The following ARHGAP26 variants were observed in gnomAD, a reference collection of about 807,000 sequenced individuals.
ARHGAP26 encodes Rho GTPase activating protein 26.
ARHGAP26 carries 38 observed loss-of-function variants against 104.8 expected under a neutral mutation model. The ratio of observed to expected loss-of-function variants is 0.36; its 90% CI spans 0.28 to 0.48. ARHGAP26 has a LOEUF of 0.48. Ranked by LOEUF, ARHGAP26 falls within the 20% of genes least tolerant of loss-of-function variation. ARHGAP26 has a pLI of 0.99. For missense variants in ARHGAP26, 704 were observed against 947.9 expected (o/e 0.74, Z 3.38); for synonymous variants, 341 against 340.0 (o/e 1.00, Z -0.03).
intron 20 of ARHGAP26, among the ~76,000 whole-genome samples, chr5:143,197,771 T>G (rs1807089215): frequency 6.6e-6 from 1 of 152,252 alleles, no homozygotes; most frequent in Admixed American, 6.5e-5. Context: ...CTTTGGCATT[T>G]AGGTCTATAA....
chr5:142,967,043 C>T lies in ARHGAP26; in HGVS notation c.1107+34918C>T, dbSNP rs889827206. Among the ~76,000 whole-genome samples the T allele has an allele frequency of 1.1e-4, 16 of 152,216 alleles. No homozygotes were observed. In the East Asian group the frequency reaches 1.2e-3, roughly 11 times the overall value. ...ATATGATACCACACATAGACACACA[C>T]GCACACTCACACATACGTACAAAAA... On this transcript the variant is annotated intron_variant, in intron 11 of 22. Transcript: ENST00000645722.
At chr5:143,004,949 C>G (rs1777726196) in intron 11 of ARHGAP26, among the ~76,000 whole-genome samples, 1 of 152,138 alleles carries the variant, frequency 6.6e-6, no homozygotes, top group South Asian at 2.1e-4. Flanking sequence ...CAACTAGGAA[C>G]TGATTGGATA....
At chr5:143,179,133 T>C (rs1457287617) in intron 20 of ARHGAP26, among the ~76,000 whole-genome samples, 2 of 152,078 alleles carry the variant, frequency 1.3e-5, no homozygotes, top group African/African-American at 2.4e-5. Flanking sequence ...CCTCCCAAAG[T>C]GTTGGGATTA....
At chr5:143,032,761 G>A (rs1782064277) in intron 12 of ARHGAP26, among the ~76,000 whole-genome samples, 1 of 152,118 alleles carries the variant, frequency 6.6e-6, no homozygotes, top group African/African-American at 2.4e-5. Flanking sequence ...TAAAACCGTT[G>A]TTAATTATTA....
chr5:143,207,030 TGGA>T (rs369649152), intron 20 of ARHGAP26, among the ~76,000 whole-genome samples, 165 bp from the exon 21 acceptor site: 1 of 152,328 alleles, frequency 6.6e-6, no homozygotes, highest in African/African-American at 2.4e-5. Flanking sequence ...TACTTGGACG[TGGA>T]GATTTGGTCT....
chr5:143,116,672 T>C (rs1795490947), intron 17 of ARHGAP26, among the ~76,000 whole-genome samples: 1 of 152,210 alleles, frequency 6.6e-6, no homozygotes, highest in African/African-American at 2.4e-5. Context: ...CACCACCATC[T>C]TTATCTGGAA....
chr5:142,850,347 C>G (rs988028540), intron 1 of ARHGAP26, among the ~76,000 whole-genome samples: 2 of 152,148 alleles, frequency 1.3e-5, no homozygotes, highest in Non-Finnish European at 2.9e-5. Flanking sequence ...GCAGTTTCTC[C>G]TCTGACTGAA....
At chr5:143,048,484 C>T (rs1411232055) in intron 14 of ARHGAP26, among the ~76,000 whole-genome samples, 1 of 151,550 alleles carries the variant, frequency 6.6e-6, no homozygotes, top group African/African-American at 2.4e-5. Context: ...TGGTCTCAAA[C>T]TCTTAAGCTC....
At chr5:142,804,774 G>A (rs1178833117) in intron 1 of ARHGAP26, among the ~76,000 whole-genome samples, 1 of 152,112 alleles carries the variant, frequency 6.6e-6, no homozygotes, top group Non-Finnish European at 1.5e-5. Flanking sequence ...TTACAGGCAT[G>A]AGCCACCATG....
rs1248585232 is a variant in ARHGAP26, at chr5:143,225,819, C to G, written c.*3373C>G. On this transcript the variant is annotated 3_prime_UTR_variant, in exon 23 of 23. Transcript: ENST00000645722. The stretch of plus-strand genomic sequence containing the variant: ...CCCTGTGGCTGTGCGGTGCCCTTGA[C>G]AGATGGCTTCTCTGTTTCCCTTTGC... The G allele has an allele frequency of 4.4e-6, 1 of 229,184 alleles. No homozygotes were observed. The highest frequency in any genetic ancestry group is 8.7e-6 in the Non-Finnish European group (1 of 115,208). 14.2% of individuals were successfully genotyped at this position (229,184 alleles called of 1,614,324 possible).
intron 5 of ARHGAP26, among the ~76,000 whole-genome samples, chr5:142,889,095 T>G (rs1288689681): frequency 1.3e-5 from 2 of 152,236 alleles, no homozygotes; most frequent in African/African-American, 4.8e-5. Flanking sequence ...TAGGATTTCT[T>G]CTTCCTTTTC....
At chr5:142,993,832 C>A (rs1236928749) in intron 11 of ARHGAP26, among the ~76,000 whole-genome samples, 1 of 151,808 alleles carries the variant, frequency 6.6e-6, no homozygotes, top group African/African-American at 2.4e-5. Context: ...CTTTTCTTTT[C>A]TTTTCTTTTC....
chr5:143,179,416 A>G lies in ARHGAP26; in HGVS notation c.1989-27782A>G, dbSNP rs186704699. Among the ~76,000 whole-genome samples, 5 of 152,280 alleles carry G rather than the reference A, an allele frequency of 3.3e-5. No homozygotes were observed. In the East Asian group the frequency reaches 7.7e-4, roughly 24 times the overall value. On this transcript the variant is annotated intron_variant, in intron 20 of 22. Coordinates refer to ENST00000645722, the MANE Select transcript of ARHGAP26 (RefSeq NM_001135608.3). Reference sequence around the variant, plus strand: ...CATCAACTTCTTGGACCAGCCTGGGATCTCCTGGGTTGCGTTGCTTTTTGT... The same window carrying G: ...CATCAACTTCTTGGACCAGCCTGGGGTCTCCTGGGTTGCGTTGCTTTTTGT...
chr5:142,963,225 T>TGTGTGTGTGTGTGC (rs1770718040), intron 11 of ARHGAP26, among the ~76,000 whole-genome samples: 1 of 144,154 alleles, frequency 6.9e-6, no homozygotes, highest in African/African-American at 2.7e-5. Flanking sequence ...TGTGTGCGCG[T>TGTGTGTGTGTGTGC]GTGTGTGTGT....
intron 17 of ARHGAP26, among the ~76,000 whole-genome samples, chr5:143,067,432 C>G (rs945030998): frequency 2.0e-5 from 3 of 152,130 alleles, no homozygotes; most frequent in African/African-American, 7.2e-5. Flanking sequence ...AAGGTCATGC[C>G]TATATTCAGC....
chr5:143,067,031 C>T (rs71614924), intron 17 of ARHGAP26, among the ~76,000 whole-genome samples: 1 of 151,610 alleles, frequency 6.6e-6, no homozygotes, highest in Non-Finnish European at 1.5e-5. Context: ...TCCCCCTCCT[C>T]TGCCCCTCCC....
rs563042221 is a variant in ARHGAP26, at chr5:142,784,988, G to A, written c.154+14073G>A. On this transcript the variant is annotated intron_variant, in intron 1 of 22. Transcript: ENST00000645722. ...GTTGTCCAGGCTGGAGTGCAGTGGCGCGATCTCGGCTCACTGCAAGCTCCG... is the reference window on the plus strand; with the variant it reads ...GTTGTCCAGGCTGGAGTGCAGTGGCACGATCTCGGCTCACTGCAAGCTCCG... 1.4e-4 allele frequency among the ~76,000 whole-genome samples: 20 copies of A among 146,680 alleles called. No homozygotes were observed. In the South Asian group the frequency reaches 2.2e-3, roughly 16 times the overall value.
At chr5:143,073,597 T>C (rs1788570289) in intron 17 of ARHGAP26, among the ~76,000 whole-genome samples, 1 of 152,242 alleles carries the variant, frequency 6.6e-6, no homozygotes, top group African/African-American at 2.4e-5. Context: ...TGGTTTTTAC[T>C]AACTCTTTTT....
rs529957675 is a variant in ARHGAP26 at position 143,219,046 on chromosome 5, A to G, written c.2192-3312A>G. ...CTCAGGTGTGAAGTGCGTATTCGCA[A>G]AGGGTCTGCCACCTGGCATGTGCTC... On this transcript the variant is annotated intron_variant, in intron 22 of 22. Coordinates refer to ENST00000645722, the MANE Select transcript of ARHGAP26 (RefSeq NM_001135608.3). Among the ~76,000 whole-genome samples, 3 of 152,366 alleles carry G rather than the reference A, an allele frequency of 2.0e-5. No individual in the cohort carries two copies. The East Asian group carries it at 5.8e-4, about 29-fold the overall frequency.
Sources: allele counts gnomAD v4.1 joint callset (sites outside exome capture counted in the v4.1 genomes callset), GRCh38; gene constraint gnomAD v4.1.1; transcripts MANE v1.5; gene names NCBI Gene and HGNC (gene_info 2026-07-23, HGNC 2026-07-21).